The following DLGAP2 variants were observed in gnomAD, a reference collection of about 807,000 sequenced individuals.
The protein encoded by DLGAP2 is disks large-associated protein 2.
In DLGAP2, 26 loss-of-function variants were observed where a neutral mutation model predicts 100.3. The observed-to-expected ratio is 0.26, with a 90% CI of 0.19 to 0.36. The LOEUF is 0.36. Among genes scored for constraint, DLGAP2 ranks in the 10% least tolerant of loss-of-function variants. The probability of loss-of-function intolerance (pLI) is 1.00; values close to 1 mark genes in which losing one functional copy is unlikely to be tolerated. For missense variants in DLGAP2, 1,858 were observed against 1,453.2 expected, an observed-to-expected ratio of 1.28 and a Z score of -4.53; for synonymous variants, 886 against 630.1, an observed-to-expected ratio of 1.41 and a Z score of -6.08.
intron 1 of DLGAP2, among the ~76,000 whole-genome samples, chr8:897,631 T>G (rs1489000597): frequency 2.6e-5 from 4 of 152,150 alleles, no homozygotes; most frequent in African/African-American, 9.7e-5. Context: ...CGGCACCCCC[T>G]GCATCTTCTG....
chr8:1,578,342 G>A (rs187069279), intron 6 of DLGAP2, among the ~76,000 whole-genome samples: 2 of 152,318 alleles, frequency 1.3e-5, no homozygotes, highest in Non-Finnish European at 2.9e-5. Flanking sequence ...AATGTGATAG[G>A]TATGGGTTCA....
At chr8:946,268 G>A (rs1799316919) in intron 2 of DLGAP2, among the ~76,000 whole-genome samples, 2 of 146,542 alleles carry the variant, frequency 1.4e-5, no homozygotes, top group Admixed American at 1.3e-4. Flanking sequence ...CTGTTTCTTA[G>A]GTTTTTTTTT....
intron 3 of DLGAP2, among the ~76,000 whole-genome samples, chr8:1,291,967 G>A (rs1289551582): frequency 6.6e-6 from 1 of 152,214 alleles, no homozygotes; most frequent in Non-Finnish European, 1.5e-5. Context: ...CCTGAAAGAT[G>A]TAGGGACATG....
chr8:871,309 G>A (rs560758378), intron 1 of DLGAP2, among the ~76,000 whole-genome samples: 16 of 152,360 alleles, frequency 1.1e-4, no homozygotes, highest in South Asian at 8.3e-4. Flanking sequence ...TGTTAGTTGA[G>A]TTTTGGATGG....
intron 2 of DLGAP2, among the ~76,000 whole-genome samples, chr8:1,138,224 C>G (rs1796457493): frequency 6.6e-6 from 1 of 152,232 alleles, no homozygotes; most frequent in African/African-American, 2.4e-5. Context: ...TTCCTCAATG[C>G]TCCCTGAGTC....
intron 2 of DLGAP2, among the ~76,000 whole-genome samples, chr8:1,130,732 A>C (rs915639277): frequency 6.6e-6 from 1 of 152,230 alleles, no homozygotes. Context: ...GACAGACCGC[A>C]CCAGAGGCCT....
chr8:1,105,074 C>G (rs1320179122), intron 2 of DLGAP2: 23 of 152,266 alleles, frequency 1.5e-4, no homozygotes, highest in Admixed American at 1.5e-3. Flanking sequence ...AAGGTGCGGT[C>G]TCATGACATG....
chr8:951,437 G>T (rs890378442), intron 2 of DLGAP2, among the ~76,000 whole-genome samples: 1 of 152,168 alleles, frequency 6.6e-6, no homozygotes, highest in African/African-American at 2.4e-5. Context: ...TTTTAATAGA[G>T]ATGGGGTTTT....
chr8:849,219 G>A (rs968229695), intron 1 of DLGAP2, among the ~76,000 whole-genome samples: 2 of 152,152 alleles, frequency 1.3e-5, no homozygotes, highest in African/African-American at 4.8e-5. Flanking sequence ...ATAGGAACAC[G>A]TGGTGTGTGT....
At chr8:942,196 A>T (rs1799213525) in intron 2 of DLGAP2, among the ~76,000 whole-genome samples, 1 of 152,076 alleles carries the variant, frequency 6.6e-6, no homozygotes, top group African/African-American at 2.4e-5. Flanking sequence ...TGATCCTCCT[A>T]TTTCAGCCTT....
At chr8:965,287 G>A (rs1312913063) in intron 2 of DLGAP2, among the ~76,000 whole-genome samples, 3 of 134,702 alleles carry the variant, frequency 2.2e-5, no homozygotes, top group Non-Finnish European at 4.7e-5. Flanking sequence ...ACACGGCACT[G>A]TTCACCACAC....
intron 2 of DLGAP2, among the ~76,000 whole-genome samples, chr8:993,679 A>G (rs1393153841): frequency 6.6e-6 from 1 of 151,662 alleles, no homozygotes; most frequent in Non-Finnish European, 1.5e-5. Flanking sequence ...GCCTGAGAGG[A>G]CGTCAGTACA....
At chr8:1,335,525 G>C (rs1475557808) in intron 3 of DLGAP2, among the ~76,000 whole-genome samples, 1 of 152,186 alleles carries the variant, frequency 6.6e-6, no homozygotes, top group Non-Finnish European at 1.5e-5. Context: ...GGCCCAGAAA[G>C]ACGTGCCAAC....
chr8:1,653,670 T>C (rs1486963390), intron 8 of DLGAP2, among the ~76,000 whole-genome samples: 1 of 68,684 alleles, frequency 1.5e-5, no homozygotes, highest in Non-Finnish European at 3.3e-5. Context: ...TGTATTTGCT[T>C]GGGCTGTGAA....
chr8:955,929 C>T (rs1799586964), intron 2 of DLGAP2, among the ~76,000 whole-genome samples: 1 of 152,108 alleles, frequency 6.6e-6, no homozygotes, highest in Non-Finnish European at 1.5e-5. Context: ...CAGACAGCAG[C>T]CCAGACCGCC....
intron 2 of DLGAP2, among the ~76,000 whole-genome samples, chr8:1,185,760 G>A (rs934647881): frequency 8.0e-5 from 12 of 150,628 alleles, no homozygotes; most frequent in Non-Finnish European, 1.2e-4. Flanking sequence ...CACACATTCA[G>A]GAGATCCAGT....
chr8:1,207,743 T>G (rs779645154), intron 2 of DLGAP2, among the ~76,000 whole-genome samples: 19 of 152,208 alleles, frequency 1.2e-4, no homozygotes, highest in Non-Finnish European at 1.8e-4. Flanking sequence ...TTTTATTTTT[T>G]AATTATGATC....
intron 3 of DLGAP2, chr8:1,368,737 T>C (rs567042565): frequency 1.3e-5 from 2 of 152,324 alleles, no homozygotes; most frequent in East Asian, 3.9e-4. Flanking sequence ...GATCTAATAA[T>C]TCATTATCTG....
At chr8:1,595,855 TA>T (rs1312831178) in intron 6 of DLGAP2, among the ~76,000 whole-genome samples, 2 of 150,810 alleles carry the variant, frequency 1.3e-5, no homozygotes, top group African/African-American at 2.4e-5. Context: ...ATTCTTTTTT[TA>T]ATAGTAATTT....
Sources: gnomAD v4.1 joint callset for allele counts (sites outside exome capture counted in the v4.1 genomes callset) on GRCh38, gnomAD v4.1.1 for gene constraint, MANE v1.5 for transcripts, NCBI Gene and HGNC (gene_info 2026-07-23, HGNC 2026-07-21) for gene names.